Variants in IMPG1 observed in about 807,000 individuals in gnomAD.
IMPG1 encodes interphotoreceptor matrix proteoglycan 1.
In IMPG1, 85 loss-of-function variants were observed where a neutral mutation model predicts 92.0. That is an observed-to-expected ratio of 0.92 (90% CI 0.78 to 1.11). The LOEUF (loss-of-function observed/expected upper bound fraction) is 1.11. IMPG1 is among the 50% of genes least tolerant of loss of function. The pLI is 0.00. For missense variants in IMPG1, 1,022 were observed against 956.0 expected (o/e 1.07, Z -0.91); for synonymous variants, 367 against 334.1 (o/e 1.10, Z -1.08).
At chr6:76,014,397 G>A (rs1055859605) in intron 7 of IMPG1, among the ~76,000 whole-genome samples, 1 of 152,154 alleles carries the variant, frequency 6.6e-6, no homozygotes, top group Non-Finnish European at 1.5e-5. Flanking sequence ...GAAGGCCTGG[G>A]GAGCGAGTTT....
intron 12 of IMPG1, among the ~76,000 whole-genome samples, chr6:76,000,439 T>G (rs1448568403): frequency 6.6e-6 from 1 of 152,230 alleles, no homozygotes; most frequent in African/African-American, 2.4e-5. Context: ...TTTCTTTCCA[T>G]TCTTTAAAAC....
intron 6 of IMPG1, among the ~76,000 whole-genome samples, chr6:76,020,301 T>C (rs1458336021): frequency 6.6e-6 from 1 of 152,126 alleles, no homozygotes; most frequent in Non-Finnish European, 1.5e-5. Context: ...GATCCTCCTA[T>C]GTTGGTCTCC....
intron 12 of IMPG1, among the ~76,000 whole-genome samples, chr6:75,995,233 A>G (rs893647906): frequency 6.6e-6 from 1 of 151,996 alleles, no homozygotes; most frequent in African/African-American, 2.4e-5. Context: ...TACCGTTAAG[A>G]CTCTTCTAAT....
intron 1 of IMPG1, among the ~76,000 whole-genome samples, chr6:76,071,885 T>C (rs1784408023): frequency 6.6e-6 from 1 of 152,112 alleles, no homozygotes; most frequent in Non-Finnish European, 1.5e-5. Context: ...ATTGCCTAGT[T>C]CTTTTATGCG....
intron 1 of IMPG1, among the ~76,000 whole-genome samples, chr6:76,046,484 G>A (rs1362615174): frequency 6.6e-6 from 1 of 152,102 alleles, no homozygotes; most frequent in East Asian, 1.9e-4. Context: ...AATACACATG[G>A]TGCTTACTTT....
At chr6:76,018,664 TC>T (rs750894157) in intron 7 of IMPG1, 53 bp downstream of exon 7, 38 of 1,543,364 alleles carry the variant, frequency 2.5e-5, no homozygotes, top group Non-Finnish European at 3.3e-5. Flanking sequence ...TCCTATCGGC[TC>T]CCACCTCTCA....
intron 1 of IMPG1, among the ~76,000 whole-genome samples, chr6:76,070,783 A>G (rs2127599749): frequency 6.6e-6 from 1 of 152,226 alleles, no homozygotes; most frequent in Admixed American, 6.5e-5. Context: ...AGAAAGACAT[A>G]GAGAGTGGAA....
intron 9 of IMPG1, among the ~76,000 whole-genome samples, chr6:76,006,530 G>A (rs903159842): frequency 3.4e-5 from 5 of 145,968 alleles, no homozygotes; most frequent in East Asian, 2.0e-4. Context: ...GTATATATAC[G>A]TGTGTGTGTG....
At chr6:75,937,899 T>G (rs1781774606) in intron 14 of IMPG1, among the ~76,000 whole-genome samples, 1 of 152,224 alleles carries the variant, frequency 6.6e-6, no homozygotes, top group African/African-American at 2.4e-5. Flanking sequence ...ATATGTGGTT[T>G]TGCATTTTTG....
chr6:75,938,986 C>T (rs1046918756), intron 14 of IMPG1, among the ~76,000 whole-genome samples: 3 of 152,150 alleles, frequency 2.0e-5, no homozygotes, highest in African/African-American at 7.2e-5. Context: ...CAGGCGTGTG[C>T]CATCACACCC....
At chr6:75,922,653 T>C (rs1781449272) in intron 16 of IMPG1, among the ~76,000 whole-genome samples, 1 of 152,200 alleles carries the variant, frequency 6.6e-6, no homozygotes, top group African/African-American at 2.4e-5. Flanking sequence ...TGATCCATAA[T>C]TCTATCTGGT....
intron 12 of IMPG1, among the ~76,000 whole-genome samples, chr6:75,981,931 CAAAAG>C (rs1782634266): frequency 6.6e-6 from 1 of 152,190 alleles, no homozygotes; most frequent in African/African-American, 2.4e-5. Context: ...AAGTGATTTA[CAAAAG>C]GTACTTGAGC....
rs142123216 is a variant in IMPG1 at position 75,950,648 on chromosome 6, G to T, written c.1738C>A (p.Arg580Ser). The T allele has an allele frequency of 1.9e-6, 3 of 1,613,676 alleles. No individual in the cohort carries two copies. The highest frequency in any genetic ancestry group is 4.5e-5 in the East Asian group (2 of 44,888). Residue 580 changes from arginine (R) to serine (S), a missense_variant, in exon 13 of 17, where the codon CGT becomes AGT. By Grantham distance (110) the Arg-to-Ser change is moderately radical. Transcript: ENST00000369950. ...GRELVVFFSL[R>S]VANMAFSNDL... ...TTGGAGAAGGCCATGTTAGCAACAC[G>T]CAGACTGAAGAACACTACCAGCTCT...
At chr6:75,989,039 C>T (rs944664826) in intron 12 of IMPG1, among the ~76,000 whole-genome samples, 1 of 152,006 alleles carries the variant, frequency 6.6e-6, no homozygotes, top group African/African-American at 2.4e-5. Context: ...TTCCTCTGGT[C>T]TTCTTCCTCC....
intron 12 of IMPG1, among the ~76,000 whole-genome samples, chr6:75,990,318 A>T (rs1270699213): frequency 1.3e-5 from 2 of 152,216 alleles, no homozygotes; most frequent in Non-Finnish European, 2.9e-5. Context: ...ACTAGCAATG[A>T]AGAGTTATTT....
At chr6:75,951,124 C>T (rs1360367271) in intron 12 of IMPG1, 30 bp from the exon 13 acceptor site, 4 of 1,494,468 alleles carry the variant, frequency 2.7e-6, no homozygotes, top group African/African-American at 1.4e-5. Context: ...TCATTATGTC[C>T]AAGTATTCCC....
intron 12 of IMPG1, among the ~76,000 whole-genome samples, chr6:75,974,574 A>G (rs569668082): frequency 9.3e-5 from 14 of 150,268 alleles, no homozygotes; most frequent in African/African-American, 3.4e-4. Flanking sequence ...GGTTCAAGCG[A>G]TTCTCCTACC....
At chr6:75,982,329 T>G (rs1159230780) in intron 12 of IMPG1, among the ~76,000 whole-genome samples, 1 of 151,876 alleles carries the variant, frequency 6.6e-6, no homozygotes, top group Non-Finnish European at 1.5e-5. Flanking sequence ...GATCACAAGG[T>G]CAGGAGTTCG....
intron 12 of IMPG1, among the ~76,000 whole-genome samples, chr6:75,972,725 A>T (rs1160583883): frequency 6.6e-6 from 1 of 152,228 alleles, no homozygotes; most frequent in Non-Finnish European, 1.5e-5. Flanking sequence ...TTATATCTAC[A>T]TATCCATTCT....
Sources: gnomAD v4.1 joint callset for allele counts (sites outside exome capture counted in the v4.1 genomes callset) on GRCh38, gnomAD v4.1.1 for gene constraint, MANE v1.5 for transcripts, NCBI Gene and HGNC (gene_info 2026-07-23, HGNC 2026-07-21) for gene names.